VPS54: variants seen among roughly 807,000 people sequenced by gnomAD.
VPS54 encodes the protein vacuolar protein sorting-associated protein 54.
A neutral mutation model predicts 121.5 loss-of-function variants in VPS54; 45 were observed. The observed-to-expected ratio is 0.37, with a 90% CI of 0.29 to 0.47. The LOEUF (loss-of-function observed/expected upper bound fraction) is 0.47. VPS54 is among the 20% of genes least tolerant of loss of function. The pLI is 0.99. For synonymous variants in VPS54, 371 were observed against 385.8 expected, an observed-to-expected ratio of 0.96 and a Z score of 0.45; for missense variants, 1,090 against 1,131.4, an observed-to-expected ratio of 0.96 and a Z score of 0.52.
At position 63,899,482 on chromosome 2, in the gene VPS54, G is replaced by C. The variant is rs776690486; in HGVS notation, c.2725C>G (p.Gln909Glu). The C allele has an allele frequency of 6.2e-7, 1 of 1,613,266 alleles. No individual in the cohort carries two copies. The highest frequency in any genetic ancestry group is 1.1e-5 in the South Asian group (1 of 91,064). ...TAGGAATTACTTCTCACCTGTGTTT[G>C]TTCTTCTGGAAGGAGATCAAATATA... ...EAIFDLLPEEQTQMLFLRINA... is the reference protein window; with the variant it reads ...EAIFDLLPEEETQMLFLRINA... Residue 909 changes from glutamine to glutamate, a missense_variant, in exon 21 of 23, where the codon CAA (glutamine) becomes GAA (glutamate). Transcript: ENST00000272322.
At chr2:63,969,749 G>A (rs1676177252) in intron 4 of VPS54, among the ~76,000 whole-genome samples, 2 of 152,020 alleles carry the variant, frequency 1.3e-5, no homozygotes, top group Admixed American at 1.3e-4. Flanking sequence ...ACCAGTCCCT[G>A]GTGCCAAAAA....
At chr2:63,944,997 A>T (rs1381055210) in intron 9 of VPS54, among the ~76,000 whole-genome samples, 1 of 152,162 alleles carries the variant, frequency 6.6e-6, no homozygotes, top group Non-Finnish European at 1.5e-5. Context: ...CAAAGACCTA[A>T]AGAGAGAAAT....
At chr2:64,007,904 A>G (rs759587744) in intron 1 of VPS54, among the ~76,000 whole-genome samples, 2 of 152,214 alleles carry the variant, frequency 1.3e-5, no homozygotes, top group Non-Finnish European at 2.9e-5. Context: ...ATACTGGATT[A>G]AGAACAGTTT....
intron 1 of VPS54, among the ~76,000 whole-genome samples, chr2:64,015,504 A>G (rs1678639742): frequency 6.6e-6 from 1 of 152,150 alleles, no homozygotes; most frequent in Non-Finnish European, 1.5e-5. Context: ...TAGGTTTACA[A>G]TGGTACCATT....
intron 12 of VPS54, among the ~76,000 whole-genome samples, chr2:63,924,725 G>A (rs1304647477): frequency 2.0e-5 from 3 of 152,178 alleles, no homozygotes. Flanking sequence ...TGGTACTGGT[G>A]TAAAGACAGA....
chr2:63,968,996 T>A lies in VPS54; in HGVS notation c.458-5A>T, dbSNP rs748522341. 4.4e-6 allele frequency: 7 copies of A among 1,596,002 alleles called. No individual in the cohort carries two copies. The South Asian group carries it at 7.9e-5, about 18-fold the overall frequency. ...CCAGATCTGTCCTGGATTTATCTATTTAAAAAAGAAGGGAAATATTATTTT... is the reference window on the plus strand; with the variant it reads ...CCAGATCTGTCCTGGATTTATCTATATAAAAAAGAAGGGAAATATTATTTT... On this transcript the variant is annotated splice_region_variant and splice_polypyrimidine_tract_variant and intron_variant, in intron 4 of 22. Coordinates refer to ENST00000272322, the MANE Select transcript of VPS54 (RefSeq NM_016516.3).
chr2:63,938,558 G>C (rs1674574215), intron 11 of VPS54, among the ~76,000 whole-genome samples: 1 of 152,084 alleles, frequency 6.6e-6, no homozygotes. Flanking sequence ...TCCACCTCCT[G>C]GGTTCAAGCG....
intron 11 of VPS54, among the ~76,000 whole-genome samples, chr2:63,934,648 C>T (rs1575927915): frequency 6.6e-6 from 1 of 152,134 alleles, no homozygotes; most frequent in East Asian, 1.9e-4. Flanking sequence ...AACTCTATCC[C>T]ATTATCCAGT....
At chr2:63,918,176 G>A (rs946458434) in intron 15 of VPS54, among the ~76,000 whole-genome samples, 4 of 152,010 alleles carry the variant, frequency 2.6e-5, no homozygotes, top group African/African-American at 7.2e-5. Flanking sequence ...AACAAAGACT[G>A]AGATGAAGCA....
At chr2:63,923,047 C>T (rs1358457018) in intron 12 of VPS54, among the ~76,000 whole-genome samples, 3 of 152,192 alleles carry the variant, frequency 2.0e-5, no homozygotes, top group African/African-American at 4.8e-5. Context: ...GGCGCGGTGG[C>T]TCACGCCTGT....
At chr2:63,938,695 C>T (rs933125748) in intron 11 of VPS54, among the ~76,000 whole-genome samples, 13 of 152,134 alleles carry the variant, frequency 8.5e-5, no homozygotes, top group African/African-American at 3.1e-4. Flanking sequence ...AAATTCCTGA[C>T]CTCAGGTGAT....
In VPS54 at chr2:63,944,615, G is replaced by C. The variant is rs368007911; in HGVS notation, c.1286C>G (p.Thr429Arg). The C allele has an allele frequency of 4.3e-6, 7 of 1,609,944 alleles. No individual in the cohort carries two copies. Among genetic ancestry groups the C allele is most frequent in the Non-Finnish European group, 5.9e-6 (7 of 1,178,348 alleles). The change falls in exon 10 of 23, where the codon ACA becomes AGA. Residue 429 changes from threonine (T) to arginine (R), a missense_variant. Transcript: ENST00000272322. ...NKVSQTEEID[T>R]DVVVKLADQM... ...TTATACTTACTTCACAACAACATCT[G>C]TGTCTATTTCTTCTGTTTGTGAAAC... is the stretch of plus-strand genomic sequence containing the variant.
chr2:63,956,771 T>G (rs1259476590), intron 7 of VPS54, among the ~76,000 whole-genome samples: 1 of 152,172 alleles, frequency 6.6e-6, no homozygotes, highest in African/African-American at 2.4e-5. Flanking sequence ...ACTCAAGTAT[T>G]CAATATATGT....
intron 22 of VPS54, among the ~76,000 whole-genome samples, chr2:63,894,089 G>A (rs566696635): frequency 1.3e-5 from 2 of 152,228 alleles, no homozygotes; most frequent in South Asian, 2.1e-4. Flanking sequence ...AATGGTAAAC[G>A]TCAGGAAAAT....
chr2:63,909,708 T>C (rs112857443), intron 20 of VPS54, among the ~76,000 whole-genome samples: 1 of 142,118 alleles, frequency 7.0e-6, no homozygotes, highest in South Asian at 2.2e-4. Context: ...GTAAGCGACC[T>C]CGCCTGGCCG....
chr2:63,974,930 T>A (rs1388996336), intron 3 of VPS54: 2 of 1,478,836 alleles, frequency 1.4e-6, no homozygotes, highest in Non-Finnish European at 1.8e-6. Flanking sequence ...TCTTATTACA[T>A]TAGTTAGGAC....
intron 12 of VPS54, among the ~76,000 whole-genome samples, chr2:63,927,371 G>A (rs1343411627): frequency 6.6e-6 from 1 of 152,132 alleles, no homozygotes; most frequent in South Asian, 2.1e-4. Flanking sequence ...AGACAAACAG[G>A]GTCTGGAGTG....
intron 14 of VPS54, 112 bp from the exon 15 acceptor site, chr2:63,920,107 C>G: frequency 2.5e-6 from 2 of 806,090 alleles, no homozygotes; most frequent in Non-Finnish European, 3.8e-6. Flanking sequence ...TTAAAAAGTG[C>G]TGAACACTTT....
Position 63,931,832 on chromosome 2 carries a change from A to G in VPS54, c.1739+1841T>C, listed in dbSNP as rs188605427. On this transcript the variant is annotated intron_variant, in intron 12 of 22. Transcript: ENST00000272322. ...AAGAAAAAAGCAAACAACCCCATCAAAAAGTGGGCAAAGGATATGAACAGA... is the reference window on the plus strand; with the variant it reads ...AAGAAAAAAGCAAACAACCCCATCAGAAAGTGGGCAAAGGATATGAACAGA... 8.0e-3 allele frequency among the ~76,000 whole-genome samples: 1,221 copies of G among 152,362 alleles called. 7 individuals are homozygous for G. The highest frequency in any genetic ancestry group is 0.019 in the South Asian group (93 of 4,834).
Sources: allele counts gnomAD v4.1 joint callset (sites outside exome capture counted in the v4.1 genomes callset), GRCh38; gene constraint gnomAD v4.1.1; transcripts MANE v1.5; gene names NCBI Gene and HGNC (gene_info 2026-07-23, HGNC 2026-07-21).